The following TTC17 variants were observed in gnomAD, a reference collection of about 807,000 sequenced individuals.
TTC17 encodes the protein tetratricopeptide repeat domain 17, also known as tetratricopeptide repeat protein 17.
TTC17 carries 58 observed loss-of-function variants against 143.8 expected under a neutral mutation model. That is an observed-to-expected ratio of 0.40 (90% CI 0.33 to 0.50). TTC17 has a LOEUF of 0.50. TTC17 is among the 20% of genes least tolerant of loss of function. The pLI is 0.49. For missense variants in TTC17, 1,273 were observed against 1,392.5 expected (o/e 0.91, Z 1.37); for synonymous variants, 501 against 497.8 (o/e 1.01, Z -0.09).
At chr11:43,376,341 T>C (rs1856764394) in intron 1 of TTC17, among the ~76,000 whole-genome samples, 1 of 152,226 alleles carries the variant, frequency 6.6e-6, no homozygotes, top group South Asian at 2.1e-4. Flanking sequence ...TCCAGATACT[T>C]GATCAGGTTT....
At chr11:43,397,847 A>C (rs1857667000) in intron 7 of TTC17, 127 bp from the exon 8 acceptor site, 17 of 1,336,470 alleles carry the variant, frequency 1.3e-5, no homozygotes, top group Non-Finnish European at 1.7e-5. Context: ...GATCTCATAA[A>C]TCATTAGAGG....
At chr11:43,377,416 AAGG>A (rs1361684590) in intron 1 of TTC17, among the ~76,000 whole-genome samples, 1 of 152,228 alleles carries the variant, frequency 6.6e-6, no homozygotes, top group Non-Finnish European at 1.5e-5. Flanking sequence ...CTGATAATCT[AAGG>A]AGGAGAAGTA....
chr11:43,438,954 C>CA (rs1337109203), intron 16 of TTC17, among the ~76,000 whole-genome samples: 1 of 152,118 alleles, frequency 6.6e-6, no homozygotes, highest in Non-Finnish European at 1.5e-5. Context: ...TCATTTGATC[C>CA]AAAAGTCTTT....
intron 3 of TTC17, among the ~76,000 whole-genome samples, chr11:43,390,551 G>T (rs987900033): frequency 6.6e-6 from 1 of 151,040 alleles, no homozygotes; most frequent in Non-Finnish European, 1.5e-5. Flanking sequence ...AGGAGGCAGA[G>T]CTTGCAGTGA....
chr11:43,489,661 C>G (rs1443592861), intron 21 of TTC17: 1 of 150,642 alleles, frequency 6.6e-6, no homozygotes, highest in Non-Finnish European at 1.5e-5. Flanking sequence ...TCGCTTGAAC[C>G]TGGGAGATGA....
At chr11:43,401,399 A>G (rs1038089468) in intron 9 of TTC17, 47 bp from the exon 10 acceptor site, 2 of 1,334,526 alleles carry the variant, frequency 1.5e-6, no homozygotes, top group Non-Finnish European at 2.1e-6. Context: ...TCACATTGGC[A>G]TTGTTGACCT....
chr11:43,387,010 C>CTG (rs1857194097), intron 2 of TTC17, among the ~76,000 whole-genome samples: 1 of 152,064 alleles, frequency 6.6e-6, no homozygotes, highest in Non-Finnish European at 1.5e-5. Flanking sequence ...TTTCAAACTC[C>CTG]TGAACTCAAG....
chr11:43,446,626 G>A, intron 18 of TTC17: 4 of 979,000 alleles, frequency 4.1e-6, no homozygotes, highest in Non-Finnish European at 3.6e-6. Flanking sequence ...GTTCCTTTCT[G>A]TTTTGTTAAA....
chr11:43,492,038 C>G lies in TTC17; in HGVS notation c.3169C>G (p.Leu1057Val), dbSNP rs755065710. ...CTCCCAGGATGTGCCCCTGATTAGC[C>G]TGGCCAACATCTTGCACAATGCCAA... is the stretch of plus-strand genomic sequence containing the variant. ...HQMKDVPLIS[L>V]ANILHNAKLW... The change falls in exon 23 of 24, where the codon CTG becomes GTG. Residue 1057 changes from leucine to valine, a missense_variant. Leu to Val is a conservative substitution (Grantham distance 32, BLOSUM62 1). Around this residue, in one of 3 missense-constraint regions of TTC17, gnomAD observed 878 missense variants for 899.8 expected, o/e 0.98. Transcript: ENST00000039989. 3 of 1,614,040 alleles carry G rather than the reference C, an allele frequency of 1.9e-6. No individual in the cohort carries two copies. The highest frequency in any genetic ancestry group is 4.5e-5 in the East Asian group (2 of 44,876).
intron 16 of TTC17, among the ~76,000 whole-genome samples, chr11:43,420,308 G>C (rs906129433): frequency 5.3e-5 from 8 of 152,096 alleles, no homozygotes; most frequent in African/African-American, 1.9e-4. Flanking sequence ...TTGAAAGATT[G>C]GAAGAATTCA....
At chr11:43,443,693 C>A in intron 17 of TTC17, 109 bp downstream of exon 17, 1 of 1,335,744 alleles carries the variant, frequency 7.5e-7, no homozygotes, top group Non-Finnish European at 1.0e-6. Flanking sequence ...CTTGGCTATG[C>A]ACTCCAGGAC....
intron 1 of TTC17, among the ~76,000 whole-genome samples, chr11:43,374,216 G>A (rs917583462): frequency 1.9e-4 from 29 of 152,160 alleles, no homozygotes; most frequent in African/African-American, 6.5e-4. Context: ...TGACTGGCTA[G>A]CCATATGCAG....
At chr11:43,374,651 A>T (rs1374574520) in intron 1 of TTC17, among the ~76,000 whole-genome samples, 2 of 152,066 alleles carry the variant, frequency 1.3e-5, no homozygotes, top group Non-Finnish European at 2.9e-5. Context: ...AACAAATATG[A>T]AAAAATGCTC....
In TTC17 at chr11:43,392,170, T is replaced by C. The variant is rs549450439; in HGVS notation, c.663+218T>C. Among the ~76,000 whole-genome samples, 3 of 152,334 alleles carry C rather than the reference T, an allele frequency of 2.0e-5. No individual in the cohort carries two copies. The South Asian group carries it at 6.2e-4, about 32-fold the overall frequency. ...CAGGAAGAGATGCTGGAAAGTTTTA[T>C]CTAAACTGATGAAAAACGAAATATA... On this transcript the variant is annotated intron_variant, in intron 5 of 23. Transcript: ENST00000039989.
At chr11:43,485,409 A>G (rs2134477425) in intron 21 of TTC17, among the ~76,000 whole-genome samples, 1 of 152,310 alleles carries the variant, frequency 6.6e-6, no homozygotes, top group South Asian at 2.1e-4. Flanking sequence ...TTAGAGTAAA[A>G]TGTAGGAGAT....
At chr11:43,397,905 T>C in intron 7 of TTC17, 69 bp from the exon 8 acceptor site, 2 of 161,800 alleles carry the variant, frequency 1.2e-5, no homozygotes, top group Admixed American at 2.2e-4. Context: ...TTTTTCCGTG[T>C]GTGTGTGTGT....
At chr11:43,409,807 T>A (rs189182027) in intron 15 of TTC17, among the ~76,000 whole-genome samples, 4 of 152,132 alleles carry the variant, frequency 2.6e-5, no homozygotes, top group Non-Finnish European at 4.4e-5. Flanking sequence ...AAGTTTTATC[T>A]TGTGGTTGTT....
intron 17 of TTC17, 97 bp downstream of exon 17, chr11:43,443,681 T>C: frequency 1.4e-6 from 2 of 1,432,212 alleles, no homozygotes; most frequent in Non-Finnish European, 9.4e-7. Flanking sequence ...TATGTGGCAC[T>C]ACTTGGCTAT....
At chr11:43,413,009 C>T (rs981485160) in intron 15 of TTC17, among the ~76,000 whole-genome samples, 4 of 150,994 alleles carry the variant, frequency 2.6e-5, no homozygotes, top group Non-Finnish European at 4.4e-5. Flanking sequence ...CACACACACA[C>T]ACACACACAC....
Sources: allele counts gnomAD v4.1 joint callset (sites outside exome capture counted in the v4.1 genomes callset), GRCh38; gene constraint gnomAD v4.1.1; regional missense constraint gnomAD v4.1.1; transcripts MANE v1.5; gene names NCBI Gene and HGNC (gene_info 2026-07-23, HGNC 2026-07-21).